The following RUNX2 variants were observed in gnomAD, a reference collection of about 807,000 sequenced individuals.
RUNX2 encodes the protein runt-related transcription factor 2.
A neutral mutation model predicts 51.7 loss-of-function variants in RUNX2; 10 were observed. The ratio of observed to expected loss-of-function variants is 0.19; its 90% CI spans 0.12 to 0.33. RUNX2 has a LOEUF of 0.33. Among genes scored for constraint, RUNX2 ranks in the 10% least tolerant of loss-of-function variants. The pLI is 1.00. For missense variants in RUNX2, 562 were observed against 691.3 expected (o/e 0.81, Z 2.10); for synonymous variants, 276 against 273.6 (o/e 1.01, Z -0.09).
At position 45,438,089 on chromosome 6, in the gene RUNX2, T is replaced by G. The variant is rs1798740145; in HGVS notation, c.685+38T>G. 6 of 1,278,314 alleles carry G rather than the reference T, an allele frequency of 4.7e-6. No homozygotes were observed. The East Asian group carries it at 1.4e-4, about 30-fold the overall frequency. The allele number at this position is 1,278,314 out of a possible 1,614,324, so 79.2% of individuals were successfully genotyped here. A position where few individuals can be genotyped will look rare whatever the true frequency, so the allele number is the denominator to read the frequency against. On this transcript the variant is annotated intron_variant, in intron 5 of 8. Transcript: ENST00000647337. ...CTTTTTATTGAAGAAAGTAATAGAG[T>G]TTCCAGAGACCCTATGAGGAATTTA...
intron 5 of RUNX2, among the ~76,000 whole-genome samples, chr6:45,490,746 T>C (rs1036884606): frequency 2.0e-5 from 3 of 152,120 alleles, no homozygotes; most frequent in Non-Finnish European, 4.4e-5. Flanking sequence ...CTAATTCCCT[T>C]AGTTTCTCTT....
chr6:45,448,938 G>A (rs906135068), intron 5 of RUNX2, among the ~76,000 whole-genome samples: 6 of 152,148 alleles, frequency 3.9e-5, no homozygotes, highest in African/African-American at 1.4e-4. Context: ...AGAAGGGTGA[G>A]TGTGAAGTCT....
intron 2 of RUNX2, among the ~76,000 whole-genome samples, chr6:45,347,045 T>C (rs934314560): frequency 2.6e-5 from 4 of 152,108 alleles, no homozygotes; most frequent in African/African-American, 9.7e-5. Context: ...AGAGAGGTGG[T>C]ACTTTATATA....
chr6:45,465,781 A>G (rs1202550600), intron 5 of RUNX2, among the ~76,000 whole-genome samples: 1 of 151,216 alleles, frequency 6.6e-6, no homozygotes, highest in Non-Finnish European at 1.5e-5. Context: ...GACTACAGGC[A>G]CATACCACCA....
chr6:45,484,564 G>A (rs1190110553), intron 5 of RUNX2, among the ~76,000 whole-genome samples: 1 of 152,144 alleles, frequency 6.6e-6, no homozygotes, highest in Non-Finnish European at 1.5e-5. Context: ...TTTAAATTTA[G>A]AGCCTCAATA....
intron 5 of RUNX2, among the ~76,000 whole-genome samples, chr6:45,455,127 A>G (rs1461987950): frequency 6.6e-6 from 1 of 152,186 alleles, no homozygotes; most frequent in Non-Finnish European, 1.5e-5. Context: ...AAAAGAAAAG[A>G]AAACATAGTC....
chr6:45,333,943 A>C (rs1006557134), intron 2 of RUNX2, among the ~76,000 whole-genome samples: 17 of 151,442 alleles, frequency 1.1e-4, no homozygotes, highest in African/African-American at 4.1e-4. Context: ...AAAACAAGGA[A>C]ATCTCTGACA....
intron 2 of RUNX2, among the ~76,000 whole-genome samples, chr6:45,383,225 G>A (rs993818860): frequency 2.0e-5 from 3 of 152,110 alleles, no homozygotes; most frequent in Non-Finnish European, 4.4e-5. Flanking sequence ...ATTTGAGGCC[G>A]GTTCAAGACC....
intron 2 of RUNX2, among the ~76,000 whole-genome samples, chr6:45,356,091 T>C (rs1321756475): frequency 6.6e-6 from 1 of 152,126 alleles, no homozygotes; most frequent in Admixed American, 6.5e-5. Flanking sequence ...AGATTCTCAC[T>C]CCTCTTCTCT....
chr6:45,418,214 C>T (rs1041133759), intron 2 of RUNX2, among the ~76,000 whole-genome samples: 3 of 152,082 alleles, frequency 2.0e-5, no homozygotes, highest in African/African-American at 7.2e-5. Flanking sequence ...GAAAAGGAAA[C>T]CAGGATAAAA....
At chr6:45,398,187 G>C (rs1457431159) in intron 2 of RUNX2, among the ~76,000 whole-genome samples, 1 of 152,164 alleles carries the variant, frequency 6.6e-6, no homozygotes, top group Non-Finnish European at 1.5e-5. Context: ...AAGTTACTTA[G>C]CCTGTTTATT....
chr6:45,470,162 A>G (rs539776273), intron 5 of RUNX2, among the ~76,000 whole-genome samples: 3 of 152,346 alleles, frequency 2.0e-5, no homozygotes, highest in Admixed American at 2.0e-4. Context: ...AAAGTTCGTT[A>G]CTATTTACAA....
At position 45,401,079 on chromosome 6, in the gene RUNX2, A is replaced by G. The variant is rs367874624; in HGVS notation, c.59-21514A>G. 3.5e-3 allele frequency among the ~76,000 whole-genome samples: 532 copies of G among 152,352 alleles called. 5 individuals carry two copies. The highest frequency in any genetic ancestry group is 0.012 in the African/African-American group (504 of 41,592). On this transcript the variant is annotated intron_variant, in intron 2 of 8. Coordinates refer to ENST00000647337, the MANE Select transcript of RUNX2 (RefSeq NM_001024630.4). ...TTTTTCGTAATAAGATATTGAGAAA[A>G]ACAAACAACAAAACAAAAAAATTTC...
chr6:45,422,557 G>C, intron 2 of RUNX2, 36 bp from the exon 3 acceptor site: 2 of 1,527,570 alleles, frequency 1.3e-6, no homozygotes, highest in Non-Finnish European at 1.8e-6. Flanking sequence ...CGGCCACTTC[G>C]CTAACTTGTG....
At chr6:45,396,126 G>T (rs370871431) in intron 2 of RUNX2, among the ~76,000 whole-genome samples, 3 of 152,184 alleles carry the variant, frequency 2.0e-5, no homozygotes, top group East Asian at 3.9e-4. Context: ...TCTCCTAATA[G>T]ATACCATAAT....
rs1371553208 is a variant in RUNX2 at position 45,550,429 on chromosome 6, A to T, written c.*3124A>T. The T allele has an allele frequency of 2.0e-5, 3 of 152,338 alleles. No homozygotes were observed. Among genetic ancestry groups the T allele is most frequent in the African/African-American group, 7.2e-5 (3 of 41,560 alleles). The allele number at this position is 152,338 out of a possible 1,614,324, so 9.4% of individuals were successfully genotyped here. ...ATCTGTGATAAATTCAGAAGGGAGG[A>T]GATGTGTGTACAGCTTTAAGGATTC... On this transcript the variant is annotated 3_prime_UTR_variant, in exon 9 of 9. Coordinates refer to ENST00000647337, the MANE Select transcript of RUNX2 (RefSeq NM_001024630.4).
In RUNX2 at chr6:45,422,830, A is replaced by G. The variant is rs150962268; in HGVS notation, c.296A>G (p.Asn99Ser). ...CCCCGGTTGCGGCCGCCCCACGACA[A>G]CCGCACCATGGTGGAGATCATCGCC... ...AVPRLRPPHD[N>S]RTMVEIIADH... The change falls in exon 3 of 9, where the codon AAC (asparagine) becomes AGC (serine). Residue 99 changes from asparagine to serine, a missense_variant. Transcript: ENST00000647337. 6.2e-7 allele frequency: 1 copy of G among 1,606,982 alleles called. No individual in the cohort carries two copies. The highest frequency in any genetic ancestry group is 1.3e-5 in the African/African-American group (1 of 74,508).
At chr6:45,432,116 T>G (rs1286129997) in intron 4 of RUNX2, 97 bp downstream of exon 4, 1 of 1,161,332 alleles carries the variant, frequency 8.6e-7, no homozygotes, top group Non-Finnish European at 1.3e-6. Flanking sequence ...CACCTTCTTT[T>G]TCTGAATAGA....
intron 2 of RUNX2, among the ~76,000 whole-genome samples, chr6:45,367,100 T>C (rs2150288507): frequency 6.6e-6 from 1 of 152,186 alleles, no homozygotes; most frequent in Non-Finnish European, 1.5e-5. Flanking sequence ...AGATAGGCTT[T>C]ATTTGAAGCT....
Sources: allele counts gnomAD v4.1 joint callset (sites outside exome capture counted in the v4.1 genomes callset), GRCh38; gene constraint gnomAD v4.1.1; transcripts MANE v1.5; gene names NCBI Gene and HGNC (gene_info 2026-07-23, HGNC 2026-07-21).